The following WWOX variants were observed in gnomAD, a reference collection of about 807,000 sequenced individuals.
WWOX encodes WW domain containing oxidoreductase, also known as WW domain-containing oxidoreductase.
Under a neutral mutation model 46.2 loss-of-function variants are expected in WWOX, and 69 were observed. The ratio of observed to expected loss-of-function variants is 1.49; its 90% CI spans 1.23 to 1.82. The LOEUF is 1.82. Ranked by LOEUF, WWOX falls within the 40% of genes most tolerant of loss-of-function variation. The pLI is 0.00. For synonymous variants in WWOX, 359 were observed against 202.6 expected, an observed-to-expected ratio of 1.77 and a Z score of -6.56; for missense variants, 919 against 542.6, an observed-to-expected ratio of 1.69 and a Z score of -6.89.
chr16:78,578,258 A>ATATATATATATATATATATTTT (rs1555567057), intron 8 of WWOX, among the ~76,000 whole-genome samples: 1 of 23,310 alleles, frequency 4.3e-5, no homozygotes, highest in African/African-American at 1.3e-4. Flanking sequence ...CAAATTTTAT[A>ATATATATATATATATATATTTT]TATATATATA....
rs1217800669 is a variant in WWOX, at chr16:78,652,434, AAAAG to A, written c.1056+219686_1056+219689del. 9.7e-4 allele frequency among the ~76,000 whole-genome samples: 147 copies of A among 151,764 alleles called. 1 individual carries two copies. The highest frequency in any genetic ancestry group is 3.2e-3 in the African/African-American group (133 of 41,354). ...AAAAAAAAAAAAAAAAAAAAAAAGA[AAAAG>A]AAAAAGGTGTTTGGAAGCCATGTCC... On this transcript the variant is annotated intron_variant, in intron 8 of 8. Coordinates refer to ENST00000566780, the MANE Select transcript of WWOX (RefSeq NM_016373.4).
At chr16:78,959,145 C>T (rs1170563032) in intron 8 of WWOX, among the ~76,000 whole-genome samples, 1 of 152,166 alleles carries the variant, frequency 6.6e-6, no homozygotes, top group East Asian at 1.9e-4. Context: ...TAGGTATTTC[C>T]TTGTAGAGTA....
At chr16:78,711,512 T>C (rs946219788) in intron 8 of WWOX, among the ~76,000 whole-genome samples, 1 of 152,182 alleles carries the variant, frequency 6.6e-6, no homozygotes, top group Non-Finnish European at 1.5e-5. Context: ...ATACAGCTGT[T>C]CTAGAATAAT....
intron 8 of WWOX, among the ~76,000 whole-genome samples, chr16:78,886,477 G>A (rs2044460563): frequency 6.6e-6 from 1 of 151,554 alleles, no homozygotes; most frequent in Non-Finnish European, 1.5e-5. Context: ...ACACATCATT[G>A]AACATCTCTG....
rs527276571 is a variant in WWOX at position 78,309,668 on chromosome 16, G to C, written c.517-77192G>C. ...GCTTTGTTCACTCTTGTTTGGGTCGGGAATAAACTTCTTTAAATATTTTAG... is the reference window on the plus strand; with the variant it reads ...GCTTTGTTCACTCTTGTTTGGGTCGCGAATAAACTTCTTTAAATATTTTAG... On this transcript the variant is annotated intron_variant, in intron 5 of 8. Coordinates refer to ENST00000566780, the MANE Select transcript of WWOX (RefSeq NM_016373.4). Among the ~76,000 whole-genome samples the C allele has an allele frequency of 8.5e-5, 13 of 152,208 alleles. 1 individual carries two copies. The South Asian group carries it at 2.7e-3, about 32-fold the overall frequency.
At chr16:78,617,876 A>T (rs1261877583) in intron 8 of WWOX, among the ~76,000 whole-genome samples, 1 of 152,210 alleles carries the variant, frequency 6.6e-6, no homozygotes, top group Non-Finnish European at 1.5e-5. Flanking sequence ...CAAAATATGA[A>T]TCTATCTTTG....
intron 8 of WWOX, among the ~76,000 whole-genome samples, chr16:78,789,543 T>G (rs2050542668): frequency 6.6e-6 from 1 of 152,206 alleles, no homozygotes; most frequent in Non-Finnish European, 1.5e-5. Flanking sequence ...ATTGTTTTGG[T>G]TACTGTACTC....
intron 8 of WWOX, among the ~76,000 whole-genome samples, chr16:79,026,038 C>A (rs777779626): frequency 1.3e-5 from 2 of 151,500 alleles, no homozygotes; most frequent in East Asian, 1.9e-4. Context: ...TGGTCCCAGG[C>A]GATCTGCCTG....
chr16:78,822,958 G>A (rs1360887950), intron 8 of WWOX, among the ~76,000 whole-genome samples: 1 of 152,028 alleles, frequency 6.6e-6, no homozygotes, highest in African/African-American at 2.4e-5. Context: ...TAGAAACAGA[G>A]AAAAGAGGCT....
At chr16:78,992,033 C>T (rs968585561) in intron 8 of WWOX, among the ~76,000 whole-genome samples, 3 of 152,340 alleles carry the variant, frequency 2.0e-5, no homozygotes, top group South Asian at 2.1e-4. Flanking sequence ...TCCCCACTTT[C>T]AGGCTCTCCT....
chr16:78,764,345 C>A (rs1290235831), intron 8 of WWOX, among the ~76,000 whole-genome samples: 2 of 151,380 alleles, frequency 1.3e-5, no homozygotes, highest in Non-Finnish European at 2.9e-5. Flanking sequence ...AGTCCTAATT[C>A]CCTGTGAGCT....
At chr16:78,837,277 C>T (rs1029246680) in intron 8 of WWOX, among the ~76,000 whole-genome samples, 9 of 152,136 alleles carry the variant, frequency 5.9e-5, no homozygotes, top group African/African-American at 1.9e-4. Context: ...CCTTTCAACG[C>T]GAGTTTCATT....
intron 8 of WWOX, among the ~76,000 whole-genome samples, chr16:78,763,902 C>T (rs2049859637): frequency 6.6e-6 from 1 of 152,148 alleles, no homozygotes; most frequent in South Asian, 2.1e-4. Context: ...CACCCCAATG[C>T]CCCAAAACCC....
At chr16:79,030,812 G>A (rs1567500150) in intron 8 of WWOX, among the ~76,000 whole-genome samples, 1 of 152,150 alleles carries the variant, frequency 6.6e-6, no homozygotes, top group Non-Finnish European at 1.5e-5. Context: ...GCTGGGCATG[G>A]TGCCTCATTC....
At chr16:79,062,299 G>A (rs952354472) in intron 8 of WWOX, among the ~76,000 whole-genome samples, 21 of 152,260 alleles carry the variant, frequency 1.4e-4, no homozygotes, top group Middle Eastern at 3.4e-3. Flanking sequence ...ATACCTTCTG[G>A]CATGTGCTTT....
chr16:79,027,677 T>A (rs532887789), intron 8 of WWOX, among the ~76,000 whole-genome samples: 2 of 151,910 alleles, frequency 1.3e-5, no homozygotes, highest in Non-Finnish European at 2.9e-5. Context: ...TGGAACACCT[T>A]GGAGATACTT....
At chr16:79,009,045 A>G (rs1169689903) in intron 8 of WWOX, among the ~76,000 whole-genome samples, 4 of 152,188 alleles carry the variant, frequency 2.6e-5, no homozygotes, top group African/African-American at 9.7e-5. Context: ...TTGATTGCAA[A>G]CAAGCCTTGT....
At chr16:78,875,358 G>T (rs978665241) in intron 8 of WWOX, among the ~76,000 whole-genome samples, 1 of 152,108 alleles carries the variant, frequency 6.6e-6, no homozygotes, top group South Asian at 2.1e-4. Context: ...GCTTTATGAT[G>T]CTCCCAGTAT....
At chr16:78,759,038 C>G (rs1270628226) in intron 8 of WWOX, among the ~76,000 whole-genome samples, 1 of 151,784 alleles carries the variant, frequency 6.6e-6, no homozygotes, top group Non-Finnish European at 1.5e-5. Context: ...CCTGGAACTT[C>G]CCTTTCTATT....
Sources: allele counts gnomAD v4.1 joint callset (sites outside exome capture counted in the v4.1 genomes callset), GRCh38; gene constraint gnomAD v4.1.1; transcripts MANE v1.5; gene names NCBI Gene and HGNC (gene_info 2026-07-23, HGNC 2026-07-21).